TPGS2: variants seen among roughly 807,000 people sequenced by gnomAD.
The protein encoded by TPGS2 is polyglutamylase subunit 2.
A neutral mutation model predicts 31.1 loss-of-function variants in TPGS2; 26 were observed. The ratio of observed to expected loss-of-function variants is 0.84; its 90% CI spans 0.61 to 1.16. The LOEUF (loss-of-function observed/expected upper bound fraction) is 1.16. TPGS2 is among the 50% of genes most tolerant of loss of function. The pLI is 0.00. For synonymous variants in TPGS2, 130 were observed against 136.6 expected, an observed-to-expected ratio of 0.95 and a Z score of 0.34; for missense variants, 351 against 363.8, an observed-to-expected ratio of 0.96 and a Z score of 0.29.
intron 4 of TPGS2, among the ~76,000 whole-genome samples, chr18:36,803,584 C>T (rs923129544): frequency 6.6e-6 from 1 of 152,100 alleles, no homozygotes; most frequent in African/African-American, 2.4e-5. Context: ...CTTTTTTGAG[C>T]ACCCATAATT....
At chr18:36,786,519 T>G in intron 6 of TPGS2, 2 of 185,946 alleles carry the variant, frequency 1.1e-5, no homozygotes, top group Non-Finnish European at 2.2e-5. Context: ...GCCTGGCCAA[T>G]TGTTTTATTC....
At chr18:36,820,616 C>T (rs1044889435) in intron 1 of TPGS2, among the ~76,000 whole-genome samples, 3 of 152,190 alleles carry the variant, frequency 2.0e-5, no homozygotes, top group South Asian at 2.1e-4. Context: ...TCTTGTAAAG[C>T]AGGTATCCTT....
rs145974346 is a variant in TPGS2 at position 36,818,972 on chromosome 18, T to C, written c.87A>G (p.Glu29=). Residue 29 remains glutamate (E), a splice_region_variant and synonymous_variant, in exon 2 of 7, where the codon GAA becomes GAG. Coordinates refer to ENST00000334295, the MANE Select transcript of TPGS2 (RefSeq NM_015476.4). ...TCACCTCAGTCACACCTGGGGAAGA[T>C]TCTGGAAGAGAAAAAAGAGTCTGTA... is the stretch of plus-strand genomic sequence containing the variant. The part of the protein sequence containing the change: ...KLTLGITRIL[E]SSPGVTEVTI... The C allele has an allele frequency of 1.2e-4, 200 of 1,612,558 alleles. No homozygotes were observed. The African/African-American group carries it at 1.6e-3, about 13-fold the overall frequency.
intron 4 of TPGS2, among the ~76,000 whole-genome samples, chr18:36,803,980 G>A (rs2044977329): frequency 6.6e-6 from 1 of 151,944 alleles, no homozygotes; most frequent in African/African-American, 2.4e-5. Flanking sequence ...GCATGCTACA[G>A]CCTCAAACTC....
chr18:36,822,290 C>T (rs997457291), intron 1 of TPGS2, among the ~76,000 whole-genome samples: 4 of 152,116 alleles, frequency 2.6e-5, no homozygotes, highest in Non-Finnish European at 4.4e-5. Context: ...TCTATGTGAC[C>T]ACTGACAAGA....
At chr18:36,783,874 A>C (rs1412360695) in intron 6 of TPGS2, among the ~76,000 whole-genome samples, 1 of 152,208 alleles carries the variant, frequency 6.6e-6, no homozygotes, top group African/African-American at 2.4e-5. Context: ...GGATCCTGAT[A>C]TATGGGGATT....
chr18:36,806,850 TAA>T (rs397962723), intron 3 of TPGS2, among the ~76,000 whole-genome samples: 43 of 37,324 alleles, frequency 1.2e-3, no homozygotes, highest in East Asian at 3.2e-3. Flanking sequence ...GACTCCATCT[TAA>T]AAAAAAAAAA....
intron 2 of TPGS2, among the ~76,000 whole-genome samples, chr18:36,816,439 T>C (rs1456633451): frequency 6.6e-6 from 1 of 152,198 alleles, no homozygotes; most frequent in South Asian, 2.1e-4. Flanking sequence ...CTAAGGACTG[T>C]ATGGTACAAG....
intron 1 of TPGS2, among the ~76,000 whole-genome samples, chr18:36,827,438 G>A (rs1273625823): frequency 1.3e-5 from 2 of 152,228 alleles, no homozygotes; most frequent in Admixed American, 6.5e-5. Context: ...GACATTCAGA[G>A]AAAGATAATT....
At chr18:36,809,496 A>G (rs1346746265) in intron 2 of TPGS2, among the ~76,000 whole-genome samples, 1 of 152,212 alleles carries the variant, frequency 6.6e-6, no homozygotes, top group Non-Finnish European at 1.5e-5. Context: ...CCAGTCTCAT[A>G]AATGTGAAAT....
chr18:36,801,762 C>G (rs574356176), intron 4 of TPGS2, among the ~76,000 whole-genome samples: 1 of 151,760 alleles, frequency 6.6e-6, no homozygotes, highest in South Asian at 2.1e-4. Context: ...TTCTCTTTAT[C>G]TTTGATTTTG....
chr18:36,794,672 A>AAAC lies in TPGS2; in HGVS notation c.*2130_*2132dup, dbSNP rs2044438734. ...GCAAGAAAAATACTTCTGGAAGACT[A>AAAC]AACTCCAGCTATTGTCCTCAACAAC... On this transcript the variant is annotated 3_prime_UTR_variant, in exon 7 of 7. Coordinates refer to ENST00000334295, the MANE Select transcript of TPGS2 (RefSeq NM_015476.4). 1.0e-6 allele frequency: 1 copy of AAAC among 985,394 alleles called. No homozygotes were observed. Among genetic ancestry groups the AAAC allele is most frequent in the Non-Finnish European group, 1.2e-6 (1 of 829,924 alleles). The allele number at this position is 985,394 out of a possible 1,614,324, so 61.0% of individuals were successfully genotyped here. A position where few individuals can be genotyped will look rare whatever the true frequency, so the allele number is the denominator to read the frequency against.
intron 1 of TPGS2, among the ~76,000 whole-genome samples, chr18:36,826,893 A>C (rs2046164443): frequency 1.3e-5 from 2 of 152,190 alleles, no homozygotes. Flanking sequence ...AGGAAATTCT[A>C]TCTCTATCCC....
chr18:36,781,488 C>G (rs777340036), downstream of TPGS2, among the ~76,000 whole-genome samples: 17 of 152,058 alleles, frequency 1.1e-4, no homozygotes, highest in African/African-American at 4.1e-4. Flanking sequence ...CCTGTCTCTA[C>G]TAAAAATATA....
In TPGS2 at chr18:36,796,830, C is replaced by G; in HGVS notation, c.878G>C (p.Gly293Ala). 6.3e-7 allele frequency: 1 copy of G among 1,598,690 alleles called. No homozygotes were observed. Among genetic ancestry groups the G allele is most frequent in the East Asian group, 2.2e-5 (1 of 44,716 alleles). The change falls in exon 7 of 7, where the codon GGC (glycine) becomes GCC (alanine). Residue 293 changes from glycine (G) to alanine (A), a missense_variant. Transcript: ENST00000334295. ...TCACTTCCGGGTGGGGTTTCCAGAG[C>G]CAGAGGAGGATTTAGAAGTGGAGGA... ...STSSTSKSSS[G>A]SGNPTRK
intron 2 of TPGS2, 36 bp from the exon 3 acceptor site, chr18:36,807,970 C>A (rs1451400012): frequency 6.2e-7 from 1 of 1,608,956 alleles, no homozygotes; most frequent in Admixed American, 1.7e-5. Context: ...TAGGTAAGGG[C>A]TGGGAAAGAG....
chr18:36,788,812 G>T (rs1045840689), intron 6 of TPGS2: 1 of 152,082 alleles, frequency 6.6e-6, no homozygotes, highest in Non-Finnish European at 1.5e-5. Context: ...GGAAGATGGG[G>T]TATCCATCCC....
In TPGS2 at chr18:36,794,801, A is replaced by G. The variant is rs970239176; in HGVS notation, c.*2004T>C. ...AACTAAAAGGGCCAAAATGTCTCCT[A>G]GAGAATATGTGACAGTCATGTTATG... On this transcript the variant is annotated 3_prime_UTR_variant, in exon 7 of 7. Coordinates refer to ENST00000334295, the MANE Select transcript of TPGS2 (RefSeq NM_015476.4). 2.0e-6 allele frequency: 2 copies of G among 983,856 alleles called. No individual in the cohort carries two copies. Among genetic ancestry groups the G allele is most frequent in the African/African-American group, 3.5e-5 (2 of 56,650 alleles). 60.9% of individuals were successfully genotyped at this position (983,856 alleles called of 1,614,324 possible). A position where few individuals can be genotyped will look rare whatever the true frequency, so the allele number is the denominator to read the frequency against.
At chr18:36,823,154 CTACTT>C (rs1159083473) in intron 1 of TPGS2, among the ~76,000 whole-genome samples, 1 of 152,206 alleles carries the variant, frequency 6.6e-6, no homozygotes, top group African/African-American at 2.4e-5. Context: ...ACTGGCTTCT[CTACTT>C]AGGCTGAAAT....
Sources: gnomAD v4.1 joint callset for allele counts (sites outside exome capture counted in the v4.1 genomes callset) on GRCh38, gnomAD v4.1.1 for gene constraint, MANE v1.5 for transcripts, NCBI Gene and HGNC (gene_info 2026-07-23, HGNC 2026-07-21) for gene names.